The following RP1L1 variants were observed in gnomAD, a reference collection of about 807,000 sequenced individuals.
RP1L1 encodes the protein retinitis pigmentosa 1-like 1 protein.
A neutral mutation model predicts 15.7 loss-of-function variants in RP1L1; 27 were observed. The ratio of observed to expected loss-of-function variants is 1.72; its 90% CI spans 1.27 to 2.38. RP1L1 has a LOEUF of 2.38. RP1L1 is among the 30% of genes most tolerant of loss of function. The pLI is 0.00. For synonymous variants in RP1L1, 1,813 were observed against 1,276.7 expected, an observed-to-expected ratio of 1.42 and a Z score of -8.96; for missense variants, 4,798 against 3,075.9, an observed-to-expected ratio of 1.56 and a Z score of -13.24.
chr8:10,610,927 C>A lies in RP1L1; in HGVS notation c.3171G>T (p.Glu1057Asp), dbSNP rs1281175559. The A allele has an allele frequency of 1.2e-6, 2 of 1,611,164 alleles. No homozygotes were observed. The highest frequency in any genetic ancestry group is 1.7e-6 in the Non-Finnish European group (2 of 1,179,360). ...CTGGGGCCTCTCTGTCTGCTCCGGC[C>A]TCTGCAGGGGCCTCGGAAACTCCCT... ...APEGVSEAPAEAGADREAPAG... is the reference protein window; with the variant it reads ...APEGVSEAPADAGADREAPAG... Residue 1057 changes from glutamate (E) to aspartate (D), a missense_variant, in exon 4 of 4, where the codon GAG (glutamate) becomes GAT (aspartate). Glu to Asp is a conservative substitution (Grantham distance 45). Transcript: ENST00000382483.
Position 10,612,503 on chromosome 8 carries a change from G to T in RP1L1, c.1595C>A (p.Ser532Tyr). ...GCCGGTGCTGGCTGACGAGTCCGAAGAAGCCCCCTCCTCACTCCGGGCCCT... is the reference window on the plus strand; with the variant it reads ...GCCGGTGCTGGCTGACGAGTCCGAATAAGCCCCCTCCTCACTCCGGGCCCT... ...TPRARSEEGASSDSSASTGSH... is the reference protein window; with the variant it reads ...TPRARSEEGAYSDSSASTGSH... The change falls in exon 4 of 4, where the codon TCT (serine) becomes TAT (tyrosine). Residue 532 changes from serine to tyrosine, a missense_variant. Physicochemically the swap from Ser to Tyr is moderately radical, Grantham distance 144 (BLOSUM62 -2). Transcript: ENST00000382483. The T allele has an allele frequency of 6.2e-7, 1 of 1,612,254 alleles. No individual in the cohort carries two copies. Among genetic ancestry groups the T allele is most frequent in the Non-Finnish European group, 8.5e-7 (1 of 1,179,964 alleles).
At position 10,613,159 on chromosome 8, in the gene RP1L1, G is replaced by A; in HGVS notation, c.939C>T (p.Val313=). 1 of 1,613,858 alleles carries A rather than the reference G, an allele frequency of 6.2e-7. No individual in the cohort carries two copies. The highest frequency in any genetic ancestry group is 8.5e-7 in the Non-Finnish European group (1 of 1,180,040). ...ACAGGCTGCCGTCCTCATTCATGCG[G>A]ACCTTCTTCTTCATGTCATCGCCAG... The part of the protein sequence containing the change: ...LVAGDDMKKK[V]RMNEDGSLSV... The change falls in exon 4 of 4, where the codon GTC becomes GTT. Residue 313 remains valine (V), a synonymous_variant. Coordinates refer to ENST00000382483, the MANE Select transcript of RP1L1 (RefSeq NM_178857.6).
At chr8:10,635,260 C>T (rs1368266330) in intron 1 of RP1L1, among the ~76,000 whole-genome samples, 2 of 152,084 alleles carry the variant, frequency 1.3e-5, no homozygotes, top group African/African-American at 4.8e-5. Context: ...CTCCAACTGA[C>T]CCGTTAGCCT....
intron 1 of RP1L1, among the ~76,000 whole-genome samples, chr8:10,623,995 T>C (rs1412304349): frequency 2.0e-5 from 3 of 150,618 alleles, no homozygotes; most frequent in African/African-American, 4.9e-5. Flanking sequence ...GTCCCCGGCA[T>C]CACCATGTCC....
chr8:10,636,048 T>C (rs1798324418), intron 1 of RP1L1, among the ~76,000 whole-genome samples: 1 of 152,250 alleles, frequency 6.6e-6, no homozygotes, highest in Non-Finnish European at 1.5e-5. Flanking sequence ...GCTGACCACC[T>C]GCCTTCTGCA....
In RP1L1 at chr8:10,612,940, G is replaced by A. The variant is rs766570780; in HGVS notation, c.1158C>T (p.Pro386=). 1 of 1,612,046 alleles carries A rather than the reference G, an allele frequency of 6.2e-7. No homozygotes were observed. The highest frequency in any genetic ancestry group is 8.5e-7 in the Non-Finnish European group (1 of 1,179,644). The change falls in exon 4 of 4, where the codon CCC becomes CCT. Residue 386 remains proline, a synonymous_variant. Coordinates refer to ENST00000382483, the MANE Select transcript of RP1L1 (RefSeq NM_178857.6). The part of the protein sequence containing the change: ...FSEPGVWGPR[P]CRVGCREVFG... ...AGACTTCCCTGCATCCCACCCTGCAGGGCCGGGGTCCCCACACCCCAGGCT... is the reference window on the plus strand; with the variant it reads ...AGACTTCCCTGCATCCCACCCTGCAAGGCCGGGGTCCCCACACCCCAGGCT...
At chr8:10,652,358 G>T (rs1298875248) in intron 1 of RP1L1, among the ~76,000 whole-genome samples, 2 of 152,210 alleles carry the variant, frequency 1.3e-5, no homozygotes, top group East Asian at 3.8e-4. Context: ...TATCCATCCA[G>T]AAGGGTTGGG....
In RP1L1 at chr8:10,609,678, C is replaced by T. The variant is rs750041176; in HGVS notation, c.4420G>A (p.Glu1474Lys). The T allele has an allele frequency of 5.6e-6, 9 of 1,612,528 alleles. No individual in the cohort carries two copies. The highest frequency in any genetic ancestry group is 5.5e-5 in the South Asian group (5 of 91,068). ...ASERQSGSQL[E>K]PGLEKPPGAT... Reference sequence around the variant, plus strand: ...CCGGGCGGCTTTTCCAAACCAGGCTCAAGCTGGGAGCCACTCTGCCTCTCG... The same window carrying T: ...CCGGGCGGCTTTTCCAAACCAGGCTTAAGCTGGGAGCCACTCTGCCTCTCG... The change falls in exon 4 of 4, where the codon GAG becomes AAG. Residue 1474 changes from glutamate to lysine, a missense_variant. Coordinates refer to ENST00000382483, the MANE Select transcript of RP1L1 (RefSeq NM_178857.6).
In RP1L1 at chr8:10,607,555, C is replaced by T. The variant is rs752506555; in HGVS notation, c.6543G>A (p.Glu2181=). The T allele has an allele frequency of 1.6e-5, 25 of 1,565,716 alleles. No individual in the cohort carries two copies. The Admixed American group carries it at 2.6e-4, about 16-fold the overall frequency. The change falls in exon 4 of 4, where the codon GAG becomes GAA. Residue 2181 remains glutamate (E), a synonymous_variant. Transcript: ENST00000382483. ...GGGCCTCCCCTTCTGCCTCTGGGGC[C>T]TCTACACCTTCTAACTCTGGTTGGG... ...EEAQPELEGV[E]APEAEGEAQP...
rs573733606 is a variant in RP1L1 at position 10,611,292 on chromosome 8, C to T, written c.2806G>A (p.Gly936Arg). 2.9e-5 allele frequency: 46 copies of T among 1,612,872 alleles called. No individual in the cohort carries two copies. Among genetic ancestry groups the T allele is most frequent in the Non-Finnish European group, 3.8e-5 (45 of 1,180,014 alleles). Residue 936 changes from glycine (G) to arginine (R), a missense_variant, in exon 4 of 4, where the codon GGG (glycine) becomes AGG (arginine). Transcript: ENST00000382483. ...KTLRSGGGPQ[G>R]QEEASGVSPS... The stretch of plus-strand genomic sequence containing the variant: ...GACACACCACTGGCCTCCTCCTGCC[C>T]CTGGGGGCCTCCCCCACTCCTCAAG...
chr8:10,617,705 C>A (rs1585975263), intron 2 of RP1L1, among the ~76,000 whole-genome samples: 2 of 151,734 alleles, frequency 1.3e-5, no homozygotes, highest in African/African-American at 4.8e-5. Flanking sequence ...TACAGGTGCC[C>A]GCCACCATAC....
chr8:10,611,920 A>T lies in RP1L1; in HGVS notation c.2178T>A (p.Ser726=), dbSNP rs1412243375. 1 of 1,613,908 alleles carries T rather than the reference A, an allele frequency of 6.2e-7. No individual in the cohort carries two copies. The highest frequency in any genetic ancestry group is 1.7e-5 in the Admixed American group (1 of 60,032). ...TTCCCAGAAGGTCCTGGGAAGGAAG[A>T]GAGCCCGAGGAGGGAGGTCTCAGGT... ...SGNLRPPSSG[S]LPSQDLLGTS... The change falls in exon 4 of 4, where the codon TCT becomes TCA. Residue 726 remains serine (S), a synonymous_variant. Coordinates refer to ENST00000382483, the MANE Select transcript of RP1L1 (RefSeq NM_178857.6).
At chr8:10,630,637 C>T (rs1176389748) in intron 1 of RP1L1, among the ~76,000 whole-genome samples, 2 of 152,218 alleles carry the variant, frequency 1.3e-5, no homozygotes, top group Non-Finnish European at 2.9e-5. Context: ...CCTGCCTGGG[C>T]TCTGCCTCCC....
Position 10,620,998 on chromosome 8 carries a change from A to C in RP1L1, c.609+1595T>G, listed in dbSNP as rs147456159. 72 of 152,392 alleles carry C rather than the reference A, an allele frequency of 4.7e-4. 1 individual carries two copies. Among genetic ancestry groups the C allele is most frequent in the African/African-American group, 1.4e-3 (58 of 41,574 alleles). The allele number at this position is 152,392 out of a possible 1,614,324, so 9.4% of individuals were successfully genotyped here. A position where few individuals can be genotyped will look rare whatever the true frequency, so the allele number is the denominator to read the frequency against. Reference sequence around the variant, plus strand: ...GGAGTGGAGAGTGGAAAGAAGCTTTAAACACCAACGAAGGCCTTGCAGTAG... The same window carrying C: ...GGAGTGGAGAGTGGAAAGAAGCTTTCAACACCAACGAAGGCCTTGCAGTAG... On this transcript the variant is annotated intron_variant, in intron 2 of 3. Coordinates refer to ENST00000382483, the MANE Select transcript of RP1L1 (RefSeq NM_178857.6).
rs756766953 is a variant in RP1L1 at position 10,633,052 on chromosome 8, C to T, written c.-19-9832G>A. Among the ~76,000 whole-genome samples, 47 of 152,212 alleles carry T rather than the reference C, an allele frequency of 3.1e-4. 2 individuals carry two copies. The highest frequency in any genetic ancestry group is 4.1e-4 in the South Asian group (2 of 4,834). On this transcript the variant is annotated intron_variant, in intron 1 of 3. Transcript: ENST00000382483. ...TGCACCATGGGGTTTATGGAAGAGA[C>T]ATGGGCAGTGTCCAATTCTCTGCAT...
rs578061842 is a variant in RP1L1, at chr8:10,639,171, A to G, written c.-20+15727T>C. On this transcript the variant is annotated intron_variant, in intron 1 of 3. Coordinates refer to ENST00000382483, the MANE Select transcript of RP1L1 (RefSeq NM_178857.6). Reference sequence around the variant, plus strand: ...AAAAAAAAGAAAAGAAAAGAAAAAAAGAGAGCAGGCATTGCCTCTGTGGAG... The same window carrying G: ...AAAAAAAAGAAAAGAAAAGAAAAAAGGAGAGCAGGCATTGCCTCTGTGGAG... Among the ~76,000 whole-genome samples the G allele has an allele frequency of 3.4e-4, 52 of 152,032 alleles. 1 individual carries two copies. In the South Asian group the frequency reaches 0.011, roughly 31 times the overall value.
chr8:10,650,550 G>A (rs1281947899), intron 1 of RP1L1, among the ~76,000 whole-genome samples: 4 of 146,816 alleles, frequency 2.7e-5, no homozygotes, highest in Non-Finnish European at 4.5e-5. Context: ...AGACTCCGTA[G>A]TTCTTTTTTT....
rs1034780279 is a variant in RP1L1 at position 10,627,421 on chromosome 8, C to A, written c.-19-4201G>T. Reference sequence around the variant, plus strand: ...CTGTATAATTCCACTTGTATGAGGTCCCTAAAGCAGTCAATTTTATAGAGA... The same window carrying A: ...CTGTATAATTCCACTTGTATGAGGTACCTAAAGCAGTCAATTTTATAGAGA... On this transcript the variant is annotated intron_variant, in intron 1 of 3. Transcript: ENST00000382483. Among the ~76,000 whole-genome samples, 3 of 152,118 alleles carry A rather than the reference C, an allele frequency of 2.0e-5. No homozygotes were observed. In the East Asian group the frequency reaches 5.8e-4, roughly 29 times the overall value.
At chr8:10,627,944 T>G (rs1193022106) in intron 1 of RP1L1, among the ~76,000 whole-genome samples, 3 of 152,200 alleles carry the variant, frequency 2.0e-5, no homozygotes, top group African/African-American at 7.2e-5. Flanking sequence ...ACCTACTGTG[T>G]GCCAGACCTT....
Sources: allele counts gnomAD v4.1 joint callset (sites outside exome capture counted in the v4.1 genomes callset), GRCh38; gene constraint gnomAD v4.1.1; transcripts MANE v1.5; gene names NCBI Gene and HGNC (gene_info 2026-07-23, HGNC 2026-07-21).